The following PTPRN2 variants were observed in gnomAD, a reference collection of about 807,000 sequenced individuals.
The protein encoded by PTPRN2 is receptor-type tyrosine-protein phosphatase N2.
PTPRN2 carries 74 observed loss-of-function variants against 118.8 expected under a neutral mutation model. That is an observed-to-expected ratio of 0.62 (90% CI 0.52 to 0.76). The LOEUF (loss-of-function observed/expected upper bound fraction) is 0.76. Among genes scored for constraint, PTPRN2 ranks in the 30% least tolerant of loss-of-function variants. The probability of loss-of-function intolerance (pLI) is 0.00; values close to 1 mark genes in which losing one functional copy is unlikely to be tolerated. For synonymous variants in PTPRN2, 641 were observed against 608.0 expected (o/e 1.05, Z -0.80); for missense variants, 1,481 against 1,394.4 (o/e 1.06, Z -0.99).
chr7:157,966,296 A>T (rs573567835), intron 11 of PTPRN2, among the ~76,000 whole-genome samples: 1 of 152,008 alleles, frequency 6.6e-6, no homozygotes, highest in South Asian at 2.1e-4. Context: ...TCATGTCATC[A>T]CCATCACCAC....
chr7:158,070,983 G>C (rs555886225), intron 11 of PTPRN2, among the ~76,000 whole-genome samples: 3 of 86,608 alleles, frequency 3.5e-5, no homozygotes, highest in East Asian at 3.2e-4. Flanking sequence ...GGAGGTGCCC[G>C]TGGTGGTGGA....
At chr7:157,576,492 C>CT (rs1156782778) in intron 19 of PTPRN2, 121 bp downstream of exon 19, 1 of 1,072,084 alleles carries the variant, frequency 9.3e-7, no homozygotes, top group East Asian at 2.7e-5. Context: ...TCCCCTCCCC[C>CT]CTGCGGCGCC....
At chr7:157,809,981 C>A (rs924042305) in intron 12 of PTPRN2, among the ~76,000 whole-genome samples, 1 of 152,104 alleles carries the variant, frequency 6.6e-6, no homozygotes, top group South Asian at 2.1e-4. Context: ...GCAGAGGGTG[C>A]GTGGGGAGGA....
chr7:158,270,796 GACCACCCCCTCACCT>G lies in PTPRN2; in HGVS notation c.277+46008_277+46022del, dbSNP rs1563067451. ...TCCACCTGGACCACCCCTCCACCTG[GACCACCCCCTCACCT>G]GGACCGCCCCCTCCACCTGGATGAC... On this transcript the variant is annotated intron_variant, in intron 3 of 22. Transcript: ENST00000389418. Among the ~76,000 whole-genome samples, 455 of 88,452 alleles carry G rather than the reference GACCACCCCCTCACCT, an allele frequency of 5.1e-3. 53 individuals carry two copies. Among genetic ancestry groups the G allele is most frequent in the African/African-American group, 0.016 (285 of 18,122 alleles). The allele number at this position is 88,452 out of a possible 152,430, so 58.0% of individuals were successfully genotyped here. A position where few individuals can be genotyped will look rare whatever the true frequency, so the allele number is the denominator to read the frequency against.
intron 2 of PTPRN2, among the ~76,000 whole-genome samples, chr7:158,319,413 GCCTCCCACACACACACACACACA>G (rs1802635364): frequency 4.9e-5 from 1 of 20,244 alleles, no homozygotes; most frequent in Admixed American, 3.6e-4. Flanking sequence ...CACACACACA[GCCTCCCACACACACACACACACA>G]GCCTCCCTCA....
chr7:158,083,407 G>A (rs1025111698), intron 10 of PTPRN2, among the ~76,000 whole-genome samples: 3 of 152,118 alleles, frequency 2.0e-5, no homozygotes, highest in Non-Finnish European at 4.4e-5. Context: ...GCTTACACAC[G>A]GCATCTGTGA....
At chr7:158,515,797 T>A (rs1388506553) in intron 1 of PTPRN2, among the ~76,000 whole-genome samples, 1 of 152,162 alleles carries the variant, frequency 6.6e-6, no homozygotes, top group Non-Finnish European at 1.5e-5. Context: ...TCTACCAAAT[T>A]TTCACTATCG....
At chr7:158,459,487 C>T (rs1401121863) in intron 2 of PTPRN2, among the ~76,000 whole-genome samples, 2 of 152,286 alleles carry the variant, frequency 1.3e-5, no homozygotes, top group South Asian at 2.1e-4. Context: ...GTCGGCTCTG[C>T]ACCACCCCTA....
At position 157,776,819 on chromosome 7, in the gene PTPRN2, C is replaced by T. The variant is rs111066529; in HGVS notation, c.1789-93882G>A. ...CCTCCCTTTCCTCCTCCACTTCCTC[C>T]TCCCTCTCCTCCCTCTCTTCCTCCT... On this transcript the variant is annotated intron_variant, in intron 12 of 22. Coordinates refer to ENST00000389418, the MANE Select transcript of PTPRN2 (RefSeq NM_002847.5). Among the ~76,000 whole-genome samples the T allele has an allele frequency of 7.6e-3, 362 of 47,756 alleles. 8 individuals carry two copies. The highest frequency in any genetic ancestry group is 0.024 in the African/African-American group (346 of 14,706). The allele number at this position is 47,756 out of a possible 152,430, so 31.3% of individuals were successfully genotyped here.
rs559740160 is a variant in PTPRN2 at position 157,768,530 on chromosome 7, T to A, written c.1789-85593A>T. ...AACACTTGTCTTCAAGGAGCCATGATGGGGATGACGTGAGGCTCCCCAGCT... is the reference window on the plus strand; with the variant it reads ...AACACTTGTCTTCAAGGAGCCATGAAGGGGATGACGTGAGGCTCCCCAGCT... On this transcript the variant is annotated intron_variant, in intron 12 of 22. Transcript: ENST00000389418. Among the ~76,000 whole-genome samples the A allele has an allele frequency of 4.6e-5, 7 of 152,290 alleles. No individual in the cohort carries two copies. In the South Asian group the frequency reaches 1.2e-3, roughly 27 times the overall value.
In PTPRN2 at chr7:158,103,657, C is replaced by T. The variant is rs192840747; in HGVS notation, c.1643+7172G>A. On this transcript the variant is annotated intron_variant, in intron 10 of 22. Transcript: ENST00000389418. ...CTCATGAGCCAGGTTTCAAACAGCT[C>T]AGGGGCAGGGATGAGTGTTCCCCTT... Among the ~76,000 whole-genome samples, 121 of 152,296 alleles carry T rather than the reference C, an allele frequency of 7.9e-4. 1 individual carries two copies. In the Middle Eastern group the frequency reaches 0.02, roughly 26 times the overall value.
intron 9 of PTPRN2, among the ~76,000 whole-genome samples, chr7:158,111,129 G>A (rs1298830129): frequency 6.6e-6 from 1 of 152,238 alleles, no homozygotes; most frequent in South Asian, 2.1e-4. Flanking sequence ...GGAATCGCAA[G>A]TGGCCCACCG....
chr7:158,164,987 A>G lies in PTPRN2; in HGVS notation c.910+1944T>C, dbSNP rs1466095903. On this transcript the variant is annotated intron_variant, in intron 6 of 22. Transcript: ENST00000389418. The stretch of plus-strand genomic sequence containing the variant: ...AGGTCGCAAGTGAAGACCCCCTGAT[A>G]GCGTCCAGGACCTACGAGAGTGCAG... Among the ~76,000 whole-genome samples, 9 of 76,976 alleles carry G rather than the reference A, an allele frequency of 1.2e-4. No homozygotes were observed. In the East Asian group the frequency reaches 3.7e-3, roughly 32 times the overall value. 50.5% of individuals were successfully genotyped at this position (76,976 alleles called of 152,430 possible). A position where few individuals can be genotyped will look rare whatever the true frequency, so the allele number is the denominator to read the frequency against.
chr7:157,597,133 G>A (rs905504753), intron 16 of PTPRN2, among the ~76,000 whole-genome samples: 2 of 152,188 alleles, frequency 1.3e-5, no homozygotes, highest in African/African-American at 2.4e-5. Flanking sequence ...GAGCATAAAG[G>A]AACAGATGTA....
intron 11 of PTPRN2, among the ~76,000 whole-genome samples, chr7:157,996,922 G>A (rs1199622120): frequency 5.3e-5 from 8 of 152,266 alleles, no homozygotes; most frequent in Non-Finnish European, 7.4e-5. Context: ...GGCCCGGGGC[G>A]GGTGTGGGGA....
intron 12 of PTPRN2, among the ~76,000 whole-genome samples, chr7:157,777,964 CT>C (rs1404391980): frequency 6.9e-6 from 1 of 145,668 alleles, no homozygotes; most frequent in African/African-American, 2.6e-5. Context: ...TTAGAAAAAT[CT>C]TTACACCACA....
At chr7:157,600,256 CAT>C (rs1801597876) in intron 16 of PTPRN2, among the ~76,000 whole-genome samples, 1 of 150,678 alleles carries the variant, frequency 6.6e-6, no homozygotes, top group African/African-American at 2.4e-5. Context: ...CACCTGCCCA[CAT>C]CTCCACCTGC....
rs1485913779 is a variant in PTPRN2, at chr7:157,540,601, T to C, written c.*113A>G. ...TAAACTGCGCTGACTACGGGAGAGCTAAGGGCCCTATTACTATGCAGTTAT... is the reference window on the plus strand; with the variant it reads ...TAAACTGCGCTGACTACGGGAGAGCCAAGGGCCCTATTACTATGCAGTTAT... On this transcript the variant is annotated 3_prime_UTR_variant, in exon 23 of 23. Coordinates refer to ENST00000389418, the MANE Select transcript of PTPRN2 (RefSeq NM_002847.5). The C allele has an allele frequency of 1.2e-6, 1 of 826,570 alleles. No homozygotes were observed. The highest frequency in any genetic ancestry group is 2.9e-5 in the Admixed American group (1 of 34,476). The allele number at this position is 826,570 out of a possible 1,614,324, so 51.2% of individuals were successfully genotyped here.
At chr7:158,277,398 G>A (rs547240984) in intron 3 of PTPRN2, among the ~76,000 whole-genome samples, 2 of 152,352 alleles carry the variant, frequency 1.3e-5, no homozygotes, top group South Asian at 2.1e-4. Context: ...GACGGAGGAG[G>A]CCGGGCCCAG....
Sources: gnomAD v4.1 joint callset for allele counts (sites outside exome capture counted in the v4.1 genomes callset) on GRCh38, gnomAD v4.1.1 for gene constraint, MANE v1.5 for transcripts, NCBI Gene and HGNC (gene_info 2026-07-23, HGNC 2026-07-21) for gene names.